The following LARGE1 variants were observed in gnomAD, a reference collection of about 807,000 sequenced individuals.
The protein encoded by LARGE1 is xylosyl- and glucuronyltransferase LARGE1.
In LARGE1, 43 loss-of-function variants were observed where a neutral mutation model predicts 87.6. The observed-to-expected ratio is 0.49, with a 90% confidence interval of 0.38 to 0.63. The LOEUF is 0.63. Among genes scored for constraint, LARGE1 ranks in the 30% least tolerant of loss-of-function variants. The pLI is 0.00. For missense variants in LARGE1, 802 were observed against 1,000.2 expected, an observed-to-expected ratio of 0.80 and a Z score of 2.67; for synonymous variants, 434 against 394.6, an observed-to-expected ratio of 1.10 and a Z score of -1.18.
chr22:33,354,013 T>C (rs878915530), intron 9 of LARGE1, among the ~76,000 whole-genome samples: 7 of 152,220 alleles, frequency 4.6e-5, no homozygotes, highest in Admixed American at 4.6e-4. Flanking sequence ...TGAAAATCTG[T>C]AACACACAGC....
intron 7 of LARGE1, among the ~76,000 whole-genome samples, chr22:33,410,064 T>C (rs889266250): frequency 2.0e-5 from 3 of 152,050 alleles, no homozygotes; most frequent in Non-Finnish European, 2.9e-5. Flanking sequence ...GTCCAGTATA[T>C]AGGGATCACC....
At chr22:33,778,919 G>C (rs2085332409) in intron 1 of LARGE1, among the ~76,000 whole-genome samples, 1 of 152,102 alleles carries the variant, frequency 6.6e-6, no homozygotes, top group South Asian at 2.1e-4. Context: ...CCAAAGTGCT[G>C]GGATTACCAG....
chr22:33,722,363 G>A (rs371633737), intron 2 of LARGE1, among the ~76,000 whole-genome samples: 2 of 142,190 alleles, frequency 1.4e-5, no homozygotes, highest in African/African-American at 2.6e-5. Context: ...GAGGGAGAGA[G>A]AAGAAAGGAA....
At chr22:33,337,949 G>T in intron 9 of LARGE1, 148 bp from the exon 10 acceptor site, 1 of 863,398 alleles carries the variant, frequency 1.2e-6, no homozygotes, top group Non-Finnish European at 1.8e-6. Context: ...GAGTGGTTAA[G>T]GGTAGGGGCT....
rs140205061 is a variant in LARGE1, at chr22:33,791,302, G to C, written c.-82-29744C>G. ...AAAAAAATTAAAAAAGAAGAACAAAGAGCAGTCTCAAGAATTAAAAAAGCA... is the reference window on the plus strand; with the variant it reads ...AAAAAAATTAAAAAAGAAGAACAAACAGCAGTCTCAAGAATTAAAAAAGCA... On this transcript the variant is annotated intron_variant, in intron 1 of 14. Coordinates refer to ENST00000397394, the MANE Select transcript of LARGE1 (RefSeq NM_133642.5). Among the ~76,000 whole-genome samples the C allele has an allele frequency of 7.3e-3, 1,116 of 152,234 alleles. 10 individuals carry two copies. The highest frequency in any genetic ancestry group is 0.014 in the Non-Finnish European group (936 of 68,030).
At chr22:33,193,549 T>A (rs1270846232) in intron 11 of LARGE1, among the ~76,000 whole-genome samples, 1 of 152,152 alleles carries the variant, frequency 6.6e-6, no homozygotes, top group African/African-American at 2.4e-5. Flanking sequence ...CGGTGGCTCA[T>A]GCCTGTAATC....
intron 11 of LARGE1, among the ~76,000 whole-genome samples, chr22:33,308,910 G>A (rs567433514): frequency 1.6e-4 from 25 of 152,306 alleles, no homozygotes; most frequent in South Asian, 4.1e-4. Flanking sequence ...CTGGTGCAAA[G>A]CTAGATATAC....
At chr22:33,524,286 C>A (rs61192275) in intron 6 of LARGE1, among the ~76,000 whole-genome samples, 1 of 147,144 alleles carries the variant, frequency 6.8e-6, no homozygotes, top group Admixed American at 6.8e-5. Context: ...GTGAGACTCC[C>A]CTCAAAAAAA....
intron 2 of LARGE1, among the ~76,000 whole-genome samples, chr22:33,722,301 GA>G (rs1449063865): frequency 2.1e-5 from 3 of 144,458 alleles, no homozygotes; most frequent in South Asian, 2.3e-4. Context: ...GGAGAGGAGG[GA>G]GAGGGAGAGG....
At chr22:33,714,828 T>C (rs1377257123) in intron 2 of LARGE1, among the ~76,000 whole-genome samples, 12 of 152,196 alleles carry the variant, frequency 7.9e-5, no homozygotes, top group African/African-American at 2.7e-4. Context: ...TCTCAGGTTA[T>C]GGAAAGATGG....
At chr22:33,502,599 G>C (rs569466135) in intron 6 of LARGE1, among the ~76,000 whole-genome samples, 1 of 152,056 alleles carries the variant, frequency 6.6e-6, no homozygotes, top group African/African-American at 2.4e-5. Context: ...GACAGAGTCT[G>C]GCTCTGCCAC....
At chr22:33,089,388 C>CCT in the LARGE1 span, among the ~76,000 whole-genome samples, 8 of 66,472 alleles carry the variant, frequency 1.2e-4, no homozygotes, top group Admixed American at 3.4e-4. Flanking sequence ...CTTCTTCTTC[C>CCT]TCTTCTTCTT....
chr22:33,187,767 A>C (rs1040011898), intron 11 of LARGE1, among the ~76,000 whole-genome samples: 2 of 151,000 alleles, frequency 1.3e-5, no homozygotes, highest in Non-Finnish European at 3.0e-5. Context: ...ACAAAATACA[A>C]AAAAAAATTA....
At chr22:33,539,732 A>AGACATGTG (rs61655316) in intron 6 of LARGE1, among the ~76,000 whole-genome samples, 1 of 151,538 alleles carries the variant, frequency 6.6e-6, no homozygotes, top group South Asian at 2.1e-4. Flanking sequence ...CTGGGACCAC[A>AGACATGTG]CCCACCTGGC....
intron 11 of LARGE1, among the ~76,000 whole-genome samples, chr22:33,198,169 T>C (rs1044009946): frequency 4.7e-4 from 71 of 152,126 alleles, no homozygotes; most frequent in African/African-American, 1.7e-3. Context: ...GAGAAAGACA[T>C]TGATTAGGAA....
intron 7 of LARGE1, among the ~76,000 whole-genome samples, chr22:33,402,984 C>A (rs543410774): frequency 1.3e-5 from 2 of 152,248 alleles, no homozygotes; most frequent in Admixed American, 1.3e-4. Flanking sequence ...AAAATCCATG[C>A]GTTTTCTAAT....
At chr22:33,396,463 CAGAGAGAG>C (rs3071529) in intron 7 of LARGE1, among the ~76,000 whole-genome samples, 27 of 104,718 alleles carry the variant, frequency 2.6e-4, no homozygotes, top group African/African-American at 7.4e-4. Flanking sequence ...GAGAGAGTGA[CAGAGAGAG>C]AGAGAGAGAG....
At chr22:33,338,845 G>A (rs1236295657) in intron 9 of LARGE1, among the ~76,000 whole-genome samples, 2 of 152,104 alleles carry the variant, frequency 1.3e-5, no homozygotes, top group East Asian at 3.9e-4. Context: ...ATAATGGAGA[G>A]ACGATCAAGA....
intron 14 of LARGE1, among the ~76,000 whole-genome samples, chr22:33,274,827 C>T (rs1928883204): frequency 6.6e-6 from 1 of 152,188 alleles, no homozygotes; most frequent in South Asian, 2.1e-4. Context: ...ACTGGCTTCT[C>T]TGAGCCTTCA....
Sources: allele counts gnomAD v4.1 joint callset (sites outside exome capture counted in the v4.1 genomes callset), GRCh38; gene constraint gnomAD v4.1.1; transcripts MANE v1.5; gene names NCBI Gene and HGNC (gene_info 2026-07-23, HGNC 2026-07-21).